Variants in LHPP observed in about 807,000 individuals in gnomAD.
LHPP encodes hLHPP.
A neutral mutation model predicts 30.3 loss-of-function variants in LHPP; 24 were observed. The observed-to-expected ratio is 0.79, with a 90% CI of 0.57 to 1.11. LHPP has a LOEUF of 1.11. LHPP is among the 50% of genes most tolerant of loss of function. The pLI is 0.00. For synonymous variants in LHPP, 150 were observed against 157.1 expected, an observed-to-expected ratio of 0.95 and a Z score of 0.34; for missense variants, 356 against 367.2, an observed-to-expected ratio of 0.97 and a Z score of 0.25.
intron 1 of LHPP, among the ~76,000 whole-genome samples, chr10:124,468,594 T>C (rs1398746061): frequency 6.6e-6 from 1 of 152,152 alleles, no homozygotes; most frequent in Admixed American, 6.5e-5. Flanking sequence ...CTGACCTTTG[T>C]GGCCTCTTCC....
At chr10:124,514,398 C>A (rs1564803200) in intron 5 of LHPP, among the ~76,000 whole-genome samples, 1 of 150,092 alleles carries the variant, frequency 6.7e-6, no homozygotes, top group Non-Finnish European at 1.5e-5. Flanking sequence ...TGAATTATTT[C>A]CGCTTCGGAT....
rs1400677636 is a variant in LHPP at position 124,496,525 on chromosome 10, C to T, written c.468-436C>T. Among the ~76,000 whole-genome samples, 2 of 152,226 alleles carry T rather than the reference C, an allele frequency of 1.3e-5. No individual in the cohort carries two copies. Among genetic ancestry groups the T allele is most frequent in the African/African-American group, 4.8e-5 (2 of 41,454 alleles). ...GTGGAACTAATGGAGTTCTCTTCTT[C>T]AGCCAGCAATTAGGGGTTAATTATT... On this transcript the variant is annotated intron_variant, in intron 3 of 6. Transcript: ENST00000368842. The surrounding 1 kb of genome is among the most constrained non-coding windows in gnomAD (Gnocchi z 4.3).
At chr10:124,469,437 G>C (rs998935317) in intron 1 of LHPP, among the ~76,000 whole-genome samples, 1 of 151,964 alleles carries the variant, frequency 6.6e-6, no homozygotes, top group African/African-American at 2.4e-5. Context: ...CAGTCACCCC[G>C]CATCGAGGGA....
At chr10:124,519,545 C>G (rs1954552554) in intron 6 of LHPP, among the ~76,000 whole-genome samples, 1 of 152,170 alleles carries the variant, frequency 6.6e-6, no homozygotes, top group Non-Finnish European at 1.5e-5. Context: ...ATCACCCGAG[C>G]AGTATACACT....
At chr10:124,566,636 G>T (rs935652484) in intron 6 of LHPP, among the ~76,000 whole-genome samples, 5 of 152,212 alleles carry the variant, frequency 3.3e-5, no homozygotes, top group Non-Finnish European at 7.4e-5. Flanking sequence ...CGGAGAGCCA[G>T]TTACCAGCAC....
chr10:124,506,263 A>ACCCCCCCC (rs539116106), intron 5 of LHPP, among the ~76,000 whole-genome samples: 8 of 86,330 alleles, frequency 9.3e-5, no homozygotes, highest in Admixed American at 1.3e-4. Context: ...AAAACAACAA[A>ACCCCCCCC]CCCCCCCCCC....
At chr10:124,583,312 C>T (rs1948764548) in intron 6 of LHPP, among the ~76,000 whole-genome samples, 1 of 152,064 alleles carries the variant, frequency 6.6e-6, no homozygotes, top group African/African-American at 2.4e-5. Flanking sequence ...ATTGTTAATT[C>T]ACTTTTGCAT....
Position 124,590,224 on chromosome 10 carries a change from G to A in LHPP, c.717-23040G>A, listed in dbSNP as rs1948863896. 6.6e-6 allele frequency among the ~76,000 whole-genome samples: 1 copy of A among 152,094 alleles called. No homozygotes were observed. Among genetic ancestry groups the A allele is most frequent in the Non-Finnish European group, 1.5e-5 (1 of 68,006 alleles). On this transcript the variant is annotated intron_variant, in intron 6 of 6. Coordinates refer to ENST00000368842, the MANE Select transcript of LHPP (RefSeq NM_022126.4). This position sits in a 1 kb window ranked among gnomAD's most constrained non-coding sequence, Gnocchi z 4.3. The stretch of plus-strand genomic sequence containing the variant: ...GAGAACATGGTGTGTGAGCATTATT[G>A]GGGGTGGGGTGCGGAGCAGGCACTG...
At chr10:124,598,491 C>T (rs1329591889) in intron 6 of LHPP, among the ~76,000 whole-genome samples, 1 of 152,184 alleles carries the variant, frequency 6.6e-6, no homozygotes, top group Non-Finnish European at 1.5e-5. Flanking sequence ...TGGGGAAAGC[C>T]CCCCTGAGGT....
chr10:124,502,964 A>C (rs1407965076), intron 5 of LHPP, among the ~76,000 whole-genome samples: 1 of 151,748 alleles, frequency 6.6e-6, no homozygotes, highest in African/African-American at 2.4e-5. Context: ...AGCGTGAGCC[A>C]CTGCATCCAA....
intron 6 of LHPP, among the ~76,000 whole-genome samples, chr10:124,565,434 T>C (rs1324454549): frequency 6.6e-6 from 1 of 152,090 alleles, no homozygotes; most frequent in East Asian, 1.9e-4. Flanking sequence ...TGTGGCAGTT[T>C]ATGTTGAGGA....
chr10:124,493,189 G>T (rs1342795975), intron 3 of LHPP, among the ~76,000 whole-genome samples: 1 of 152,168 alleles, frequency 6.6e-6, no homozygotes, highest in Non-Finnish European at 1.5e-5. Context: ...GTAGACAAGG[G>T]TTTTTTTAAA....
intron 1 of LHPP, among the ~76,000 whole-genome samples, chr10:124,483,050 A>G (rs1232211128): frequency 6.6e-6 from 1 of 151,922 alleles, no homozygotes; most frequent in Non-Finnish European, 1.5e-5. Context: ...GTGCGTTCTG[A>G]GAACTTGCCC....
chr10:124,571,279 A>G (rs1049557534), intron 6 of LHPP, among the ~76,000 whole-genome samples: 2 of 152,220 alleles, frequency 1.3e-5, no homozygotes, highest in African/African-American at 4.8e-5. Flanking sequence ...ACACTAATGT[A>G]TAGGTTTTTG....
chr10:124,585,350 C>T (rs902103706), intron 6 of LHPP, among the ~76,000 whole-genome samples: 1 of 152,026 alleles, frequency 6.6e-6, no homozygotes, highest in Non-Finnish European at 1.5e-5. Flanking sequence ...AGCGGTGGCT[C>T]GTGCCTATAA....
chr10:124,484,809 A>C (rs766302944), intron 2 of LHPP, among the ~76,000 whole-genome samples: 1 of 152,140 alleles, frequency 6.6e-6, no homozygotes, highest in Non-Finnish European at 1.5e-5. Context: ...TGCTCTTTGG[A>C]ACAGTTTGCA....
intron 1 of LHPP, among the ~76,000 whole-genome samples, chr10:124,482,670 T>C (rs777455420): frequency 5.3e-5 from 8 of 151,896 alleles, no homozygotes; most frequent in Non-Finnish European, 1.0e-4. Context: ...TCTAGCACGC[T>C]CGGGTCCCTT....
rs1564781976 is a variant in LHPP, at chr10:124,487,448, T to TC, written c.314-974_314-973insC. On this transcript the variant is annotated intron_variant, in intron 2 of 6. Transcript: ENST00000368842. ...TATTTCAGTTTCTTTCTTTCTTTTT[T>TC]TTTTTTTTTTTTGAGACAGAGTCTC... 2.4e-3 allele frequency among the ~76,000 whole-genome samples: 352 copies of TC among 144,576 alleles called. 4 individuals are homozygous for TC. Among genetic ancestry groups the TC allele is most frequent in the African/African-American group, 8.1e-3 (311 of 38,322 alleles). The allele number at this position is 144,576 out of a possible 152,430, so 94.8% of individuals were successfully genotyped here. A position where few individuals can be genotyped will look rare whatever the true frequency, so the allele number is the denominator to read the frequency against.
intron 1 of LHPP, among the ~76,000 whole-genome samples, chr10:124,465,183 T>C (rs939161795): frequency 4.6e-5 from 7 of 151,972 alleles, no homozygotes; most frequent in Non-Finnish European, 8.8e-5. Flanking sequence ...GAGGGAACTG[T>C]CTGCAGGAAG....
Sources: gnomAD v4.1 joint callset for allele counts (sites outside exome capture counted in the v4.1 genomes callset) on GRCh38, gnomAD v4.1.1 for gene constraint, Gnocchi (gnomAD v3.1) non-coding constraint, MANE v1.5 for transcripts, NCBI Gene and HGNC (gene_info 2026-07-23, HGNC 2026-07-21) for gene names.